Variants in RET observed in about 807,000 individuals in gnomAD.
RET encodes proto-oncogene tyrosine-protein kinase receptor Ret.
RET carries 19 observed loss-of-function variants against 118.3 expected under a neutral mutation model. That is an observed-to-expected ratio of 0.16 (90% CI 0.11 to 0.24). The LOEUF (loss-of-function observed/expected upper bound fraction) is 0.24, where lower values mean the gene tolerates loss of function less well. RET is among the 10% of genes least tolerant of loss of function. RET has a pLI of 1.00. For missense variants in RET, 1,219 were observed against 1,502.1 expected (o/e 0.81, Z 3.12); for synonymous variants, 597 against 644.1 (o/e 0.93, Z 1.11).
At chr10:43,083,997 A>C (rs1588852693) in intron 1 of RET, among the ~76,000 whole-genome samples, 1 of 152,198 alleles carries the variant, frequency 6.6e-6, no homozygotes, top group African/African-American at 2.4e-5. Context: ...CCTGTCCTGG[A>C]ACATTTCATC....
At chr10:43,077,805 C>A (rs1837083287) in intron 1 of RET, among the ~76,000 whole-genome samples, 1 of 152,234 alleles carries the variant, frequency 6.6e-6, no homozygotes, top group Non-Finnish European at 1.5e-5. Flanking sequence ...TGCGTTCCTC[C>A]CCCAGCTCTG....
At chr10:43,098,490 C>T (rs1837569557) in intron 1 of RET, among the ~76,000 whole-genome samples, 1 of 147,862 alleles carries the variant, frequency 6.8e-6, no homozygotes, top group Non-Finnish European at 1.5e-5. Context: ...GGCACAATCT[C>T]GGCTCACTAC....
intron 1 of RET, among the ~76,000 whole-genome samples, chr10:43,085,536 C>A (rs538183564): frequency 6.6e-6 from 1 of 152,326 alleles, no homozygotes; most frequent in South Asian, 2.1e-4. Context: ...TGCCCCTCGG[C>A]CCCTGGTCAG....
chr10:43,123,608 G>C, intron 16 of RET, 63 bp from the exon 17 acceptor site: 1 of 1,609,516 alleles, frequency 6.2e-7, no homozygotes, highest in Non-Finnish European at 8.5e-7. Context: ...GGATATCTGG[G>C]CCCCCCGGAG....
Position 43,128,154 on chromosome 10 carries a change from T to C in RET, c.3230T>C (p.Leu1077Pro). 1 of 1,614,198 alleles carries C rather than the reference T, an allele frequency of 6.2e-7. No individual in the cohort carries two copies. Residue 1077 changes from leucine (L) to proline (P), a missense_variant, in exon 20 of 20, where the codon CTC becomes CCC. Physicochemically the swap from Leu to Pro is moderately conservative, Grantham distance 98. This residue lies in a region of RET where 174 missense variants were observed against 179.3 expected (regional missense o/e 0.97). Transcript: ENST00000355710. ...TGGCCTGGAGAGAGTCCTGTACCAC[T>C]CACGAGAGCTGATGGCACTAACACT... is the stretch of plus-strand genomic sequence containing the variant. ...PNWPGESPVP[L>P]TRADGTNTGF...
In RET at chr10:43,098,421, C is replaced by CTTTT. The variant is rs36075879; in HGVS notation, c.74-2022_74-2019dup. On this transcript the variant is annotated intron_variant, in intron 1 of 19. Transcript: ENST00000355710. ...TATAGCCTGTGTCAGGATTTTCCTC[C>CTTTT]TTTTTTTTTTTTTTTTTTTGAGACA... 5.2e-4 allele frequency among the ~76,000 whole-genome samples: 67 copies of CTTTT among 129,756 alleles called. 1 individual carries two copies. Among genetic ancestry groups the CTTTT allele is most frequent in the South Asian group, 7.5e-4 (3 of 3,984 alleles). The allele number at this position is 129,756 out of a possible 152,430, so 85.1% of individuals were successfully genotyped here.
At chr10:43,086,781 G>A (rs1435471596) in intron 1 of RET, among the ~76,000 whole-genome samples, 1 of 152,276 alleles carries the variant, frequency 6.6e-6, no homozygotes, top group African/African-American at 2.4e-5. Flanking sequence ...GGGCAGGAGC[G>A]CCCATCATCC....
intron 1 of RET, among the ~76,000 whole-genome samples, chr10:43,089,366 G>A (rs1837362383): frequency 6.6e-6 from 1 of 152,204 alleles, no homozygotes; most frequent in Non-Finnish European, 1.5e-5. Flanking sequence ...TGTTTTCTTG[G>A]CCAGCAGGCA....
intron 17 of RET, among the ~76,000 whole-genome samples, chr10:43,124,048 G>A (rs1013109411): frequency 6.6e-6 from 1 of 152,148 alleles, no homozygotes; most frequent in Non-Finnish European, 1.5e-5. Flanking sequence ...GCAGAGACTG[G>A]TGCAATGCAA....
intron 1 of RET, among the ~76,000 whole-genome samples, chr10:43,077,543 G>C (rs1048651126): frequency 7.3e-5 from 11 of 150,280 alleles, no homozygotes; most frequent in African/African-American, 2.7e-4. Flanking sequence ...GGCCGGGGCT[G>C]GGCGGGTCTC....
chr10:43,081,066 A>C (rs778158681), intron 1 of RET, among the ~76,000 whole-genome samples: 4 of 152,114 alleles, frequency 2.6e-5, no homozygotes, highest in Non-Finnish European at 5.9e-5. Context: ...GCCTGGGAGA[A>C]GAAAGCCAGG....
chr10:43,095,086 C>G (rs1189372228), intron 1 of RET, among the ~76,000 whole-genome samples: 1 of 152,112 alleles, frequency 6.6e-6, no homozygotes, highest in South Asian at 2.1e-4. Context: ...GGGAAGGAAC[C>G]CCTTCCCAGC....
In RET at chr10:43,126,652, G is replaced by A. The variant is rs775773414; in HGVS notation, c.3117G>A (p.Pro1039=). ...YDDGLSEEET[P]LVDCNNAPLP... ...ACGGCCTCTCAGAGGAGGAGACACCGCTGGTGGACTGTAATAATGCCCCCC... is the reference window on the plus strand; with the variant it reads ...ACGGCCTCTCAGAGGAGGAGACACCACTGGTGGACTGTAATAATGCCCCCC... The change falls in exon 19 of 20, where the codon CCG becomes CCA. Residue 1039 remains proline, a synonymous_variant. Coordinates refer to ENST00000355710, the MANE Select transcript of RET (RefSeq NM_020975.6). 1.3e-5 allele frequency: 21 copies of A among 1,613,928 alleles called. No individual in the cohort carries two copies. The highest frequency in any genetic ancestry group is 1.7e-5 in the Admixed American group (1 of 59,998).
At chr10:43,125,859 A>C (rs1838316681) in intron 18 of RET, among the ~76,000 whole-genome samples, 2 of 152,224 alleles carry the variant, frequency 1.3e-5, no homozygotes, top group South Asian at 4.1e-4. Context: ...GAAAACTTCA[A>C]GTCCTGAGAA....
At chr10:43,098,015 T>A (rs899359825) in intron 1 of RET, among the ~76,000 whole-genome samples, 3 of 152,254 alleles carry the variant, frequency 2.0e-5, no homozygotes, top group Non-Finnish European at 4.4e-5. Context: ...AGGTTCTTAA[T>A]GGATTTTAAG....
intron 14 of RET, 82 bp from the exon 15 acceptor site, chr10:43,119,999 C>T (rs2132955809): frequency 1.9e-6 from 3 of 1,587,664 alleles, no homozygotes; most frequent in Non-Finnish European, 2.6e-6. Context: ...ACACACCACC[C>T]CTCTGCTGGT....
At chr10:43,087,817 C>T (rs1837321742) in intron 1 of RET, among the ~76,000 whole-genome samples, 1 of 152,134 alleles carries the variant, frequency 6.6e-6, no homozygotes, top group South Asian at 2.1e-4. Flanking sequence ...TTAAACCTGG[C>T]AAAAAGCTGC....
chr10:43,079,655 T>C (rs1167915420), intron 1 of RET, among the ~76,000 whole-genome samples: 1 of 152,170 alleles, frequency 6.6e-6, no homozygotes, highest in East Asian at 1.9e-4. Flanking sequence ...GGTCCTGTTT[T>C]GCAGCAAGGA....
Position 43,106,657 on chromosome 10 carries a change from T to G in RET, c.1063+86T>G. The G allele has an allele frequency of 7.3e-7, 1 of 1,377,494 alleles. No homozygotes were observed. Among genetic ancestry groups the G allele is most frequent in the Non-Finnish European group, 1.0e-6 (1 of 990,784 alleles). The allele number at this position is 1,377,494 out of a possible 1,614,324, so 85.3% of individuals were successfully genotyped here. A position where few individuals can be genotyped will look rare whatever the true frequency, so the allele number is the denominator to read the frequency against. On this transcript the variant is annotated intron_variant, in intron 5 of 19. Transcript: ENST00000355710. The surrounding 1 kb of genome is among the most constrained non-coding windows in gnomAD (Gnocchi z 5.1). ...ATGGGCAAGCAGCACCCTACACACATGCACACCTGGCATGGCCCTCTGTGG... is the reference window on the plus strand; with the variant it reads ...ATGGGCAAGCAGCACCCTACACACAGGCACACCTGGCATGGCCCTCTGTGG...
Sources: allele counts gnomAD v4.1 joint callset (sites outside exome capture counted in the v4.1 genomes callset), GRCh38; gene constraint gnomAD v4.1.1; regional missense constraint gnomAD v4.1.1; non-coding constraint Gnocchi (gnomAD v3.1); transcripts MANE v1.5; gene names NCBI Gene and HGNC (gene_info 2026-07-23, HGNC 2026-07-21).